NSL1: variants seen among roughly 807,000 people sequenced by gnomAD.
NSL1 encodes the protein kinetochore-associated protein NSL1 homolog.
NSL1 carries 11 observed loss-of-function variants against 25.4 expected under a neutral mutation model. The observed-to-expected ratio is 0.43, with a 90% confidence interval of 0.27 to 0.72. The LOEUF (loss-of-function observed/expected upper bound fraction) is 0.72, where lower values mean the gene tolerates loss of function less well. Ranked by LOEUF, NSL1 falls within the 30% of genes least tolerant of loss-of-function variation. The pLI is 0.19. For synonymous variants in NSL1, 118 were observed against 120.6 expected (o/e 0.98, Z 0.14); for missense variants, 330 against 342.7 (o/e 0.96, Z 0.29).
At chr1:212,742,885 T>TA (rs140921034) in intron 4 of NSL1, among the ~76,000 whole-genome samples, 126 of 151,558 alleles carry the variant, frequency 8.3e-4, no homozygotes, top group East Asian at 6.9e-3. Flanking sequence ...CACTTTTGCT[T>TA]AAAAAAAAAT....
Position 212,729,592 on chromosome 1 carries a change from A to G in NSL1, c.*8816T>C. On this transcript the variant is annotated 3_prime_UTR_variant, in exon 6 of 6. Coordinates refer to ENST00000366977, the MANE Select transcript of NSL1 (RefSeq NM_015471.4). ...CATCCCCTCATTTCTACACTTCCTC[A>G]GGATCAGAGGCAGGCACACAGGGCA... 1.0e-6 allele frequency: 1 copy of G among 985,414 alleles called. No homozygotes were observed. Among genetic ancestry groups the G allele is most frequent in the Non-Finnish European group, 1.2e-6 (1 of 829,932 alleles). 61.0% of individuals were successfully genotyped at this position (985,414 alleles called of 1,614,324 possible).
intron 4 of NSL1, among the ~76,000 whole-genome samples, chr1:212,751,904 G>A (rs1659082116): frequency 6.6e-6 from 1 of 152,070 alleles, no homozygotes; most frequent in African/African-American, 2.4e-5. Context: ...CAACTAGTAA[G>A]ATCATACAAT....
intron 5 of NSL1, among the ~76,000 whole-genome samples, chr1:212,739,177 T>A (rs1161077340): frequency 1.3e-5 from 2 of 152,208 alleles, no homozygotes; most frequent in Non-Finnish European, 2.9e-5. Flanking sequence ...TCTCATAGGA[T>A]GTAAGGATTA....
Position 212,727,185 on chromosome 1 carries a change from G to A in NSL1, c.*11223C>T, listed in dbSNP as rs777156804. On this transcript the variant is annotated 3_prime_UTR_variant, in exon 6 of 6. Transcript: ENST00000366977. ...TAGTCCACCAGGCTTGGCTCCTAAT[G>A]TGTTAAATGGGGGTGAATGGAATTT... 3 of 1,552,084 alleles carry A rather than the reference G, an allele frequency of 1.9e-6. No individual in the cohort carries two copies. Among genetic ancestry groups the A allele is most frequent in the Non-Finnish European group, 2.6e-6 (3 of 1,148,846 alleles).
intron 4 of NSL1, among the ~76,000 whole-genome samples, chr1:212,779,238 T>TG (rs1660551009): frequency 1.3e-5 from 1 of 78,156 alleles, no homozygotes; most frequent in South Asian, 3.9e-4. Flanking sequence ...AGGTGGGGGG[T>TG]GGGGTCAGCC....
rs1658017802 is a variant in NSL1 at position 212,731,587 on chromosome 1, A to G, written c.*6821T>C. The stretch of plus-strand genomic sequence containing the variant: ...ATCTATGAGGCTTCTATCAAAAATT[A>G]TCAGTCCCTGGCCCAGTTCCCCCAC... On this transcript the variant is annotated 3_prime_UTR_variant, in exon 6 of 6. Transcript: ENST00000366977. 1 of 985,424 alleles carries G rather than the reference A, an allele frequency of 1.0e-6. No homozygotes were observed. The highest frequency in any genetic ancestry group is 1.2e-6 in the Non-Finnish European group (1 of 829,924). The allele number at this position is 985,424 out of a possible 1,614,324, so 61.0% of individuals were successfully genotyped here. A position where few individuals can be genotyped will look rare whatever the true frequency, so the allele number is the denominator to read the frequency against.
At position 212,784,571 on chromosome 1, in the gene NSL1, A is replaced by G. The variant is rs115212025; in HGVS notation, c.314-78T>C. On this transcript the variant is annotated intron_variant, in intron 2 of 5. Coordinates refer to ENST00000366977, the MANE Select transcript of NSL1 (RefSeq NM_015471.4). ...TACATTCTGTATGGAAATGTGCTAT[A>G]AACTAAATTTAGAAAACACAAAATA... is the stretch of plus-strand genomic sequence containing the variant. 9.1e-4 allele frequency: 780 copies of G among 860,078 alleles called. 11 individuals carry two copies. The African/African-American group carries it at 0.012, about 14-fold the overall frequency. The allele number at this position is 860,078 out of a possible 1,614,324, so 53.3% of individuals were successfully genotyped here. A position where few individuals can be genotyped will look rare whatever the true frequency, so the allele number is the denominator to read the frequency against.
chr1:212,728,211 T>C lies in NSL1; in HGVS notation c.*10197A>G. The C allele has an allele frequency of 2.2e-6, 2 of 930,116 alleles. No individual in the cohort carries two copies. The highest frequency in any genetic ancestry group is 1.3e-6 in the Non-Finnish European group (1 of 779,658). The allele number at this position is 930,116 out of a possible 1,614,324, so 57.6% of individuals were successfully genotyped here. A position where few individuals can be genotyped will look rare whatever the true frequency, so the allele number is the denominator to read the frequency against. On this transcript the variant is annotated 3_prime_UTR_variant, in exon 6 of 6. Coordinates refer to ENST00000366977, the MANE Select transcript of NSL1 (RefSeq NM_015471.4). Reference sequence around the variant, plus strand: ...TGGCATGTAGTAAGCACTCAATACATGGTAACTACTAGCATTATATTGATA... The same window carrying C: ...TGGCATGTAGTAAGCACTCAATACACGGTAACTACTAGCATTATATTGATA...
intron 2 of NSL1, among the ~76,000 whole-genome samples, chr1:212,785,347 T>A (rs1242346528): frequency 6.6e-6 from 1 of 151,510 alleles, no homozygotes; most frequent in Non-Finnish European, 1.5e-5. Context: ...GAGTACAGAT[T>A]TTTTTTTTAA....
intron 4 of NSL1, among the ~76,000 whole-genome samples, chr1:212,753,753 C>T (rs1400587726): frequency 2.0e-5 from 3 of 152,134 alleles, no homozygotes; most frequent in Non-Finnish European, 4.4e-5. Context: ...TTAAAAAACT[C>T]ATGGAGCTTT....
At chr1:212,742,556 A>G (rs1212905235) in intron 4 of NSL1, among the ~76,000 whole-genome samples, 1 of 152,226 alleles carries the variant, frequency 6.6e-6, no homozygotes, top group East Asian at 1.9e-4. Flanking sequence ...AGTCTACCAG[A>G]AAACATATCT....
chr1:212,732,235 T>G lies in NSL1; in HGVS notation c.*6173A>C, dbSNP rs1212186031. On this transcript the variant is annotated 3_prime_UTR_variant, in exon 6 of 6. Transcript: ENST00000366977. ...TTACAAAACATCTCCTTTATACAATTTTCTGCATAGTTAACATTATCACTC... is the reference window on the plus strand; with the variant it reads ...TTACAAAACATCTCCTTTATACAATGTTCTGCATAGTTAACATTATCACTC... 4.1e-6 allele frequency: 4 copies of G among 981,950 alleles called. No individual in the cohort carries two copies. The African/African-American group carries it at 7.0e-5, about 17-fold the overall frequency. 60.8% of individuals were successfully genotyped at this position (981,950 alleles called of 1,614,324 possible).
intron 4 of NSL1, among the ~76,000 whole-genome samples, chr1:212,772,534 G>A (rs1660168681): frequency 6.6e-6 from 1 of 151,766 alleles, no homozygotes. Flanking sequence ...AAAATTAGCT[G>A]GGTGTGGTAG....
chr1:212,774,564 G>A (rs4494206), intron 4 of NSL1, among the ~76,000 whole-genome samples: 2,745 of 152,264 alleles, frequency 0.018, 48 homozygotes, highest in South Asian at 0.042. Context: ...ATATACAGAT[G>A]GCCAATAAGC....
intron 4 of NSL1, among the ~76,000 whole-genome samples, chr1:212,750,060 T>A (rs1472827089): frequency 6.6e-6 from 1 of 151,592 alleles, no homozygotes; most frequent in Admixed American, 6.6e-5. Context: ...CCTGGCATTC[T>A]CATTTAGCTT....
rs978954368 is a variant in NSL1, at chr1:212,731,146, CA to C, written c.*7261del. 7 of 948,530 alleles carry C rather than the reference CA, an allele frequency of 7.4e-6. No homozygotes were observed. In the African/African-American group the frequency reaches 1.3e-4, roughly 18 times the overall value. 58.8% of individuals were successfully genotyped at this position (948,530 alleles called of 1,614,324 possible). The stretch of plus-strand genomic sequence containing the variant: ...AGATATTTTTTTCTTCAGAGACTTT[CA>C]TAATATAATCTATTTGCAAAACAAA... On this transcript the variant is annotated 3_prime_UTR_variant, in exon 6 of 6. Coordinates refer to ENST00000366977, the MANE Select transcript of NSL1 (RefSeq NM_015471.4).
chr1:212,743,471 T>TG, intron 4 of NSL1, among the ~76,000 whole-genome samples: 1 of 151,716 alleles, frequency 6.6e-6, no homozygotes, highest in Non-Finnish European at 1.5e-5. Context: ...CTTATTTGTT[T>TG]TTTTTTTTTT....
At chr1:212,776,113 C>A (rs1387751857) in intron 4 of NSL1, among the ~76,000 whole-genome samples, 1 of 152,178 alleles carries the variant, frequency 6.6e-6, no homozygotes, top group African/African-American at 2.4e-5. Context: ...CTGCGCCCAG[C>A]CCGTAAATTG....
At chr1:212,791,431 A>T in intron 1 of NSL1, 99 bp downstream of exon 1, 1 of 1,115,672 alleles carries the variant, frequency 9.0e-7, no homozygotes, top group Non-Finnish European at 1.3e-6. Context: ...GGGCACCGTT[A>T]ATTCTGCCAA....
Sources: gnomAD v4.1 joint callset for allele counts (sites outside exome capture counted in the v4.1 genomes callset) on GRCh38, gnomAD v4.1.1 for gene constraint, MANE v1.5 for transcripts, NCBI Gene and HGNC (gene_info 2026-07-23, HGNC 2026-07-21) for gene names.